PIK3C2G: variants seen among roughly 807,000 people sequenced by gnomAD.
The protein encoded by PIK3C2G is phosphatidylinositol-4-phosphate 3-kinase catalytic subunit type 2 gamma, also known as phosphatidylinositol 3-kinase C2 domain-containing subunit gamma.
PIK3C2G carries 168 observed loss-of-function variants against 181.1 expected under a neutral mutation model. That is an observed-to-expected ratio of 0.93 (90% CI 0.82 to 1.05). The LOEUF is 1.05. Ranked by LOEUF, PIK3C2G falls within the 50% of genes least tolerant of loss-of-function variation. The pLI is 0.00. For synonymous variants in PIK3C2G, 573 were observed against 592.2 expected (o/e 0.97, Z 0.47); for missense variants, 1,869 against 1,732.8 (o/e 1.08, Z -1.40).
At chr12:18,425,386 C>CCTTT (rs1304456224) in intron 18 of PIK3C2G, among the ~76,000 whole-genome samples, 1 of 65,312 alleles carries the variant, frequency 1.5e-5, no homozygotes, top group African/African-American at 6.1e-5. Context: ...ACAGACATTT[C>CCTTT]TTTTTTTTTT....
chr12:18,338,325 A>T, intron 8 of PIK3C2G, 101 bp from the exon 9 acceptor site: 2 of 898,164 alleles, frequency 2.2e-6, no homozygotes, highest in Non-Finnish European at 1.7e-6. Context: ...AGCATATTTT[A>T]TTCCACTTGC....
At chr12:18,352,830 T>A (rs1940348636) in intron 11 of PIK3C2G, among the ~76,000 whole-genome samples, 1 of 152,080 alleles carries the variant, frequency 6.6e-6, no homozygotes, top group East Asian at 1.9e-4. Flanking sequence ...CCCTCTGAAG[T>A]CAAGCTGCAT....
At chr12:18,249,427 C>T (rs1037233689) in intron 1 of PIK3C2G, among the ~76,000 whole-genome samples, 35 of 152,120 alleles carry the variant, frequency 2.3e-4, no homozygotes, top group African/African-American at 8.0e-4. Context: ...ACTTGCTTCT[C>T]TTTCTCCCTG....
chr12:18,405,379 T>C lies in PIK3C2G; in HGVS notation c.2315+5532T>C, dbSNP rs986832469. On this transcript the variant is annotated intron_variant, in intron 16 of 32. Transcript: ENST00000538779. ...TAGAAAGAGGCCAGAGATGGAACTC[T>C]GGAGAACAGCAACATTTGTGTTGTT... Among the ~76,000 whole-genome samples the C allele has an allele frequency of 1.3e-4, 19 of 149,820 alleles. No individual in the cohort carries two copies. In the East Asian group the frequency reaches 2.2e-3, roughly 17 times the overall value.
chr12:18,597,682 C>T (rs1282407434), intron 30 of PIK3C2G, among the ~76,000 whole-genome samples: 1 of 151,682 alleles, frequency 6.6e-6, no homozygotes, highest in African/African-American at 2.4e-5. Context: ...AAAGGGTATT[C>T]AATTAGGAAA....
the PIK3C2G span, among the ~76,000 whole-genome samples, chr12:18,692,568 A>G: frequency 6.6e-6 from 1 of 152,168 alleles, no homozygotes; most frequent in Non-Finnish European, 1.5e-5. Flanking sequence ...AGTCTGGAGG[A>G]AAGGTGCTAG....
rs888338372 is a variant in PIK3C2G, at chr12:18,546,349, A to C, written c.3507A>C (p.Leu1169=). 3.8e-6 allele frequency: 6 copies of C among 1,597,332 alleles called. No homozygotes were observed. The African/African-American group carries it at 6.7e-5, about 18-fold the overall frequency. ...EMMLYAGLPE[L]SGIQDLKYVY... is the part of the protein sequence containing the mutation. ...TGCTGTATGCAGGACTGCCTGAGCT[A>C]AGTGGAATTCAAGACCTGAAATATG... The change falls in exon 26 of 33, where the codon CTA becomes CTC. Residue 1169 remains leucine, a synonymous_variant. Transcript: ENST00000538779.
At chr12:18,502,756 G>A (rs1427353659) in intron 22 of PIK3C2G, among the ~76,000 whole-genome samples, 1 of 152,204 alleles carries the variant, frequency 6.6e-6, no homozygotes. Flanking sequence ...GAAGGAAGGA[G>A]CAGGTGGCTC....
chr12:18,582,322 GGTAA>G (rs760280259), intron 29 of PIK3C2G, among the ~76,000 whole-genome samples: 2 of 152,066 alleles, frequency 1.3e-5, no homozygotes, highest in African/African-American at 2.4e-5. Context: ...CCAGGGAAAT[GGTAA>G]GTGAGTGAGC....
At chr12:18,610,922 C>A (rs182713627) in intron 31 of PIK3C2G, among the ~76,000 whole-genome samples, 1 of 152,106 alleles carries the variant, frequency 6.6e-6, no homozygotes, top group Non-Finnish European at 1.5e-5. Context: ...TTGCTCAAAA[C>A]ATTTTAGAGC....
intron 8 of PIK3C2G, among the ~76,000 whole-genome samples, chr12:18,330,033 T>G (rs1186124370): frequency 6.6e-6 from 1 of 152,104 alleles, no homozygotes. Context: ...TTTCTGTAGA[T>G]TTTTCAAAAA....
At chr12:18,551,767 C>T (rs141130186) in intron 26 of PIK3C2G, among the ~76,000 whole-genome samples, 2 of 152,098 alleles carry the variant, frequency 1.3e-5, no homozygotes, top group Non-Finnish European at 2.9e-5. Flanking sequence ...ATCCCAGAAA[C>T]CAATAGGGCT....
At chr12:18,446,827 C>A (rs878987205) in intron 18 of PIK3C2G, among the ~76,000 whole-genome samples, 1 of 152,124 alleles carries the variant, frequency 6.6e-6, no homozygotes, top group Non-Finnish European at 1.5e-5. Flanking sequence ...TTGTCTACTT[C>A]TGTATATATA....
At chr12:18,520,833 T>C (rs771124939) in intron 24 of PIK3C2G, among the ~76,000 whole-genome samples, 1 of 152,096 alleles carries the variant, frequency 6.6e-6, no homozygotes, top group Admixed American at 6.5e-5. Flanking sequence ...GTTTGCTGAT[T>C]CTTTCTCATC....
chr12:18,513,932 G>A (rs947379732), intron 24 of PIK3C2G, among the ~76,000 whole-genome samples: 64 of 151,624 alleles, frequency 4.2e-4, no homozygotes, highest in African/African-American at 1.2e-3. Flanking sequence ...CTTTTGAGGC[G>A]TTATGTTACA....
chr12:18,705,948 C>T, the PIK3C2G span, among the ~76,000 whole-genome samples: 5 of 151,312 alleles, frequency 3.3e-5, no homozygotes, highest in Non-Finnish European at 5.9e-5. Flanking sequence ...GAAGGCAGGA[C>T]GAGCATGGTG....
intron 18 of PIK3C2G, among the ~76,000 whole-genome samples, chr12:18,445,446 A>G (rs570497042): frequency 6.6e-6 from 1 of 152,094 alleles, no homozygotes; most frequent in East Asian, 1.9e-4. Context: ...GTGGCAGCCT[A>G]CTAGTGAAAA....
chr12:18,694,669 G>T, the PIK3C2G span, among the ~76,000 whole-genome samples: 1 of 152,072 alleles, frequency 6.6e-6, no homozygotes, highest in African/African-American at 2.4e-5. Flanking sequence ...AACTTTGAGA[G>T]GAGAAGGTTT....
the PIK3C2G span, among the ~76,000 whole-genome samples, chr12:18,663,024 A>G: frequency 0.38 from 58,489 of 151,944 alleles, 13,972 homozygotes; most frequent in South Asian, 0.59. Context: ...TACTTTAAAT[A>G]TAAGTGGATT....
Sources: allele counts gnomAD v4.1 joint callset (sites outside exome capture counted in the v4.1 genomes callset), GRCh38; gene constraint gnomAD v4.1.1; transcripts MANE v1.5; gene names NCBI Gene and HGNC (gene_info 2026-07-23, HGNC 2026-07-21).